TECRL: variants seen among roughly 807,000 people sequenced by gnomAD.
TECRL encodes trans-2,3-enoyl-CoA reductase like, also known as trans-2,3-enoyl-CoA reductase-like.
A neutral mutation model predicts 52.8 loss-of-function variants in TECRL; 63 were observed. That is an observed-to-expected ratio of 1.19 (90% CI 0.97 to 1.47). TECRL has a LOEUF of 1.47. TECRL is among the 40% of genes most tolerant of loss of function. The pLI, the probability that TECRL is intolerant of heterozygous loss-of-function variation, is 0.00. For synonymous variants in TECRL, 164 were observed against 141.9 expected, an observed-to-expected ratio of 1.16 and a Z score of -1.10; for missense variants, 482 against 429.6, an observed-to-expected ratio of 1.12 and a Z score of -1.08.
In TECRL at chr4:64,286,848, C is replaced by T. The variant is rs551686168; in HGVS notation, c.832+2862G>A. Among the ~76,000 whole-genome samples the T allele has an allele frequency of 2.6e-5, 4 of 152,114 alleles. 1 individual carries two copies. In the South Asian group the frequency reaches 6.2e-4, roughly 24 times the overall value. Reference sequence around the variant, plus strand: ...ATTTTCAAATGATGACACTATATTTCGAATAAATGAAGAAGCTTGAGTTGA... The same window carrying T: ...ATTTTCAAATGATGACACTATATTTTGAATAAATGAAGAAGCTTGAGTTGA... On this transcript the variant is annotated intron_variant, in intron 9 of 11. Transcript: ENST00000381210.
rs1300428945 is a variant in TECRL, at chr4:64,278,499, A to C, written c.*1573T>G. On this transcript the variant is annotated 3_prime_UTR_variant, in exon 12 of 12. Transcript: ENST00000381210. Reference sequence around the variant, plus strand: ...ATTTTATTTTTTGAGCGACATAAGAATTGAACATATTTGGGAGATACATAA... The same window carrying C: ...ATTTTATTTTTTGAGCGACATAAGACTTGAACATATTTGGGAGATACATAA... 8.3e-6 allele frequency: 2 copies of C among 241,444 alleles called. No individual in the cohort carries two copies. Among genetic ancestry groups the C allele is most frequent in the Non-Finnish European group, 1.3e-5 (2 of 150,034 alleles). The allele number at this position is 241,444 out of a possible 1,614,324, so 15.0% of individuals were successfully genotyped here. A position where few individuals can be genotyped will look rare whatever the true frequency, so the allele number is the denominator to read the frequency against.
chr4:64,378,465 C>T (rs1216211636), intron 1 of TECRL, among the ~76,000 whole-genome samples: 3 of 151,802 alleles, frequency 2.0e-5, no homozygotes, highest in African/African-American at 7.3e-5. Flanking sequence ...TATGCTGGAA[C>T]CTGGGTGACA....
rs770770506 is a variant in TECRL at position 64,281,087 on chromosome 4, C to G, written c.919-1G>C. ...CTGTGAAACTAATCCATGATCCAAT[C>G]TGTTATATTAAAACTTAAATTAGCA... On this transcript the variant is annotated splice_acceptor_variant, in intron 10 of 11. Coordinates refer to ENST00000381210, the MANE Select transcript of TECRL (RefSeq NM_001010874.5). LOFTEE classifies it high-confidence loss of function. The G allele has an allele frequency of 9.4e-6, 15 of 1,598,240 alleles. No homozygotes were observed. The South Asian group carries it at 1.7e-4, about 18-fold the overall frequency.
At chr4:64,379,694 T>C (rs1157403222) in intron 1 of TECRL, among the ~76,000 whole-genome samples, 1 of 152,120 alleles carries the variant, frequency 6.6e-6, no homozygotes, top group African/African-American at 2.4e-5. Flanking sequence ...ATTAACTTTT[T>C]AAAGTGTTAA....
chr4:64,385,951 C>T lies in TECRL; in HGVS notation c.235-10728G>A, dbSNP rs141647652. Among the ~76,000 whole-genome samples the T allele has an allele frequency of 1.1e-4, 17 of 152,262 alleles. No homozygotes were observed. The East Asian group carries it at 3.1e-3, about 28-fold the overall frequency. The stretch of plus-strand genomic sequence containing the variant: ...TTTCTTCACCTTTCATGATTCAGAG[C>T]TTTCATGCCACTTTCCTGCTCAATT... On this transcript the variant is annotated intron_variant, in intron 1 of 11. Transcript: ENST00000381210.
chr4:64,393,770 A>C (rs763088120), intron 1 of TECRL, among the ~76,000 whole-genome samples: 1 of 151,984 alleles, frequency 6.6e-6, no homozygotes, highest in South Asian at 2.1e-4. Flanking sequence ...TGTTAAAATT[A>C]AAAAAATTAT....
At position 64,281,472 on chromosome 4, in the gene TECRL, A is replaced by G; in HGVS notation, c.918+2T>C. The G allele has an allele frequency of 1.3e-6, 2 of 1,559,336 alleles. No individual in the cohort carries two copies. The highest frequency in any genetic ancestry group is 1.8e-6 in the Non-Finnish European group (2 of 1,137,532). On this transcript the variant is annotated splice_donor_variant, in intron 10 of 11. Transcript: ENST00000381210. LOFTEE classifies it high-confidence loss of function. ...AAGCATTTACATACATAAATAACAT[A>G]CCTCATAGGTGTAGTTAGGACATGA...
intron 2 of TECRL, among the ~76,000 whole-genome samples, chr4:64,370,106 G>T (rs1335418902): frequency 6.6e-6 from 1 of 151,810 alleles, no homozygotes; most frequent in Non-Finnish European, 1.5e-5. Context: ...AAAGGTATAG[G>T]AATACTTTGC....
rs148904458 is a variant in TECRL at position 64,351,707 on chromosome 4, T to A, written c.287-23151A>T. ...AAATACCACGTGTACTCCATGAATA[T>A]GTAAATTATTATGAATTGATAAAAA... On this transcript the variant is annotated intron_variant, in intron 2 of 11. Transcript: ENST00000381210. Among the ~76,000 whole-genome samples the A allele has an allele frequency of 4.7e-3, 714 of 152,310 alleles. 3 individuals carry two copies. Among genetic ancestry groups the A allele is most frequent in the Non-Finnish European group, 7.7e-3 (526 of 68,022 alleles).
rs929276873 is a variant in TECRL, at chr4:64,278,732, A to C, written c.*1340T>G. The C allele has an allele frequency of 3.3e-5, 5 of 152,176 alleles. No homozygotes were observed. Among genetic ancestry groups the C allele is most frequent in the African/African-American group, 1.2e-4 (5 of 41,450 alleles). 9.4% of individuals were successfully genotyped at this position (152,176 alleles called of 1,614,324 possible). ...TCCTCCTACCAAGCTGTAACTTTGTATCCTTTAACAAATCTCTCTCTAGTC... is the reference window on the plus strand; with the variant it reads ...TCCTCCTACCAAGCTGTAACTTTGTCTCCTTTAACAAATCTCTCTCTAGTC... On this transcript the variant is annotated 3_prime_UTR_variant, in exon 12 of 12. Coordinates refer to ENST00000381210, the MANE Select transcript of TECRL (RefSeq NM_001010874.5).
intron 2 of TECRL, among the ~76,000 whole-genome samples, chr4:64,369,869 G>A (rs1013533622): frequency 6.6e-6 from 1 of 151,878 alleles, no homozygotes; most frequent in African/African-American, 2.4e-5. Context: ...GCAAAGTAGA[G>A]TAGGACATGT....
chr4:64,357,809 T>G (rs1189807905), intron 2 of TECRL, among the ~76,000 whole-genome samples: 4 of 151,634 alleles, frequency 2.6e-5, no homozygotes, highest in African/African-American at 9.7e-5. Context: ...AATTTCGATG[T>G]TTGAAATTCA....
chr4:64,371,542 C>A (rs1577951689), intron 2 of TECRL, among the ~76,000 whole-genome samples: 4 of 151,396 alleles, frequency 2.6e-5, no homozygotes. Context: ...ATTAAGCAGA[C>A]CTTCGCTTTA....
intron 2 of TECRL, among the ~76,000 whole-genome samples, chr4:64,354,914 T>A (rs1414897189): frequency 2.6e-5 from 4 of 152,130 alleles, no homozygotes; most frequent in African/African-American, 9.7e-5. Context: ...GTGAAAAGAA[T>A]CATGGTGTGG....
intron 2 of TECRL, among the ~76,000 whole-genome samples, chr4:64,357,981 G>T (rs929419895): frequency 3.3e-5 from 5 of 151,462 alleles, no homozygotes; most frequent in African/African-American, 1.2e-4. Flanking sequence ...TAAATAATAA[G>T]TGTGAAAAAA....
At chr4:64,311,085 A>C (rs1039629666) in intron 5 of TECRL, among the ~76,000 whole-genome samples, 2 of 152,212 alleles carry the variant, frequency 1.3e-5, no homozygotes, top group African/African-American at 2.4e-5. Context: ...CTATATAATA[A>C]TAAAATTAGA....
chr4:64,359,559 G>A (rs192914125), intron 2 of TECRL, among the ~76,000 whole-genome samples: 76 of 151,936 alleles, frequency 5.0e-4, no homozygotes, highest in South Asian at 1.9e-3. Flanking sequence ...ACATCACCAT[G>A]TCATGAAAGA....
At chr4:64,283,418 A>G (rs1022849147) in intron 9 of TECRL, among the ~76,000 whole-genome samples, 2 of 152,092 alleles carry the variant, frequency 1.3e-5, no homozygotes, top group African/African-American at 4.8e-5. Context: ...TGAGTACTCC[A>G]TAGCTGATGG....
chr4:64,321,277 T>A (rs1294349967), intron 4 of TECRL, among the ~76,000 whole-genome samples: 1 of 152,026 alleles, frequency 6.6e-6, no homozygotes, highest in African/African-American at 2.4e-5. Context: ...AGATTAAAAT[T>A]AACAAATATT....
Sources: allele counts gnomAD v4.1 joint callset (sites outside exome capture counted in the v4.1 genomes callset), GRCh38; gene constraint gnomAD v4.1.1; transcripts MANE v1.5; gene names NCBI Gene and HGNC (gene_info 2026-07-23, HGNC 2026-07-21).